The following MFHAS1 variants were observed in gnomAD, a reference collection of about 807,000 sequenced individuals.
MFHAS1 encodes the protein malignant fibrous histiocytoma-amplified sequence 1.
MFHAS1 carries 50 observed loss-of-function variants against 70.4 expected under a neutral mutation model. The observed-to-expected ratio is 0.71, with a 90% CI of 0.57 to 0.90. MFHAS1 has a LOEUF of 0.90. Among genes scored for constraint, MFHAS1 ranks in the 40% least tolerant of loss-of-function variants. MFHAS1 has a pLI of 0.00. For missense variants in MFHAS1, 1,795 were observed against 1,347.6 expected, an observed-to-expected ratio of 1.33 and a Z score of -5.20; for synonymous variants, 952 against 620.0, an observed-to-expected ratio of 1.54 and a Z score of -7.96.
intron 1 of MFHAS1, among the ~76,000 whole-genome samples, chr8:8,817,550 A>T (rs559230250): frequency 6.6e-6 from 1 of 152,296 alleles, no homozygotes; most frequent in South Asian, 2.1e-4. Flanking sequence ...TGCAGCCTCG[A>T]GTGCTGCCGC....
chr8:8,889,754 C>T (rs979839619), intron 1 of MFHAS1, among the ~76,000 whole-genome samples: 1 of 152,190 alleles, frequency 6.6e-6, no homozygotes, highest in Admixed American at 6.5e-5. Flanking sequence ...GTTCAACCAC[C>T]TGAAATTTCC....
At chr8:8,794,162 C>T (rs1351486972) in intron 2 of MFHAS1, among the ~76,000 whole-genome samples, 2 of 151,958 alleles carry the variant, frequency 1.3e-5, no homozygotes, top group Non-Finnish European at 2.9e-5. Flanking sequence ...TGCACTCCAG[C>T]CTGGGTGACA....
chr8:8,891,498 G>A lies in MFHAS1; in HGVS notation c.1561C>T (p.His521Tyr), dbSNP rs1317579645. 3.7e-6 allele frequency: 6 copies of A among 1,613,092 alleles called. No homozygotes were observed. The highest frequency in any genetic ancestry group is 2.5e-6 in the Non-Finnish European group (3 of 1,180,024). ...HFPTTVGSFL[H>Y]RVGARVPHAV... ...TGGGGCACTCTCGCCCCGACCCGATGCAAGAAGGAGCCCACGGTGGTAGGA... is the reference window on the plus strand; with the variant it reads ...TGGGGCACTCTCGCCCCGACCCGATACAAGAAGGAGCCCACGGTGGTAGGA... Residue 521 changes from histidine to tyrosine, a missense_variant, in exon 1 of 3, where the codon CAT becomes TAT. Coordinates refer to ENST00000276282, the MANE Select transcript of MFHAS1 (RefSeq NM_004225.3). The surrounding 1 kb of genome is among the most constrained non-coding windows in gnomAD (Gnocchi z 5.4).
intron 1 of MFHAS1, among the ~76,000 whole-genome samples, chr8:8,863,628 T>C (rs117634155): frequency 0.023 from 3,569 of 152,324 alleles, 87 homozygotes; most frequent in Admixed American, 0.055. Flanking sequence ...GTTTTGACCA[T>C]CTGATTCCTA....
At chr8:8,837,802 T>C (rs1448452590) in intron 1 of MFHAS1, among the ~76,000 whole-genome samples, 1 of 152,182 alleles carries the variant, frequency 6.6e-6, no homozygotes, top group Non-Finnish European at 1.5e-5. Context: ...GTGGAGAAAC[T>C]GGAACTCTTG....
intron 1 of MFHAS1, among the ~76,000 whole-genome samples, chr8:8,818,308 G>C (rs2117297075): frequency 6.6e-6 from 1 of 152,306 alleles, no homozygotes. Context: ...GACTTCTTAA[G>C]TACAAGCAAA....
At chr8:8,813,030 G>A (rs985056100) in intron 1 of MFHAS1, among the ~76,000 whole-genome samples, 1 of 152,162 alleles carries the variant, frequency 6.6e-6, no homozygotes, top group Non-Finnish European at 1.5e-5. Context: ...GCCTCCCAAA[G>A]TGCTGGGATT....
intron 1 of MFHAS1, among the ~76,000 whole-genome samples, chr8:8,834,659 C>G (rs1192841615): frequency 6.6e-6 from 1 of 152,214 alleles, no homozygotes; most frequent in African/African-American, 2.4e-5. Flanking sequence ...TGTGGGTCCA[C>G]TCTATGATGT....
chr8:8,834,566 A>G (rs531963157), intron 1 of MFHAS1, among the ~76,000 whole-genome samples: 1 of 152,338 alleles, frequency 6.6e-6, no homozygotes, highest in Middle Eastern at 3.4e-3. Context: ...GATTACAGTA[A>G]CATGCTGCAC....
intron 2 of MFHAS1, among the ~76,000 whole-genome samples, chr8:8,789,832 C>G (rs1006444141): frequency 2.0e-5 from 3 of 152,146 alleles, no homozygotes; most frequent in Non-Finnish European, 4.4e-5. Flanking sequence ...CTAATCACCC[C>G]TGAGCCAGGT....
At chr8:8,799,205 G>T (rs11992051) in intron 1 of MFHAS1, among the ~76,000 whole-genome samples, 22,124 of 152,120 alleles carry the variant, frequency 0.15, 2,592 homozygotes, top group African/African-American at 0.32. Context: ...CCTATAAGTA[G>T]ATACCTATGA....
chr8:8,832,821 G>C (rs898378258), intron 1 of MFHAS1, among the ~76,000 whole-genome samples: 1 of 151,720 alleles, frequency 6.6e-6, no homozygotes, highest in African/African-American at 2.4e-5. Flanking sequence ...TTTTTGTCGA[G>C]GCGAGGTCTC....
intron 1 of MFHAS1, among the ~76,000 whole-genome samples, chr8:8,849,211 G>A (rs1270350729): frequency 6.6e-6 from 1 of 151,584 alleles, no homozygotes; most frequent in Admixed American, 6.6e-5. Flanking sequence ...CTCCCGAGTA[G>A]CTGGGACTAC....
chr8:8,853,987 A>G (rs1007369962), intron 1 of MFHAS1, among the ~76,000 whole-genome samples: 1 of 152,092 alleles, frequency 6.6e-6, no homozygotes, highest in Non-Finnish European at 1.5e-5. Flanking sequence ...ACACCAACCA[A>G]CTCCATGAAC....
At position 8,890,758 on chromosome 8, in the gene MFHAS1, G is replaced by C; in HGVS notation, c.2301C>G (p.Ser767=). ...SGEGKAEGES[S]PPMARSTPSQ... ...TGGGGGTGGACCGCGCCATGGGCGGGGAGCTTTCCCCCTCCGCCTTGCCCT... is the reference window on the plus strand; with the variant it reads ...TGGGGGTGGACCGCGCCATGGGCGGCGAGCTTTCCCCCTCCGCCTTGCCCT... The change falls in exon 1 of 3, where the codon TCC becomes TCG. Residue 767 remains serine (S), a synonymous_variant. Coordinates refer to ENST00000276282, the MANE Select transcript of MFHAS1 (RefSeq NM_004225.3). 1 of 1,613,900 alleles carries C rather than the reference G, an allele frequency of 6.2e-7. No homozygotes were observed. Among genetic ancestry groups the C allele is most frequent in the Non-Finnish European group, 8.5e-7 (1 of 1,179,896 alleles).
chr8:8,822,970 TAAC>T (rs1008826977), intron 1 of MFHAS1, among the ~76,000 whole-genome samples: 1 of 151,690 alleles, frequency 6.6e-6, no homozygotes, highest in Non-Finnish European at 1.5e-5. Context: ...GAAGGGAGGG[TAAC>T]AGAGCCAGGC....
chr8:8,837,291 A>T (rs1049533579), intron 1 of MFHAS1, among the ~76,000 whole-genome samples: 1 of 152,200 alleles, frequency 6.6e-6, no homozygotes, highest in African/African-American at 2.4e-5. Context: ...TTTAAAAAGC[A>T]ATGCAGCAAA....
chr8:8,847,761 A>T (rs1253472307), intron 1 of MFHAS1, among the ~76,000 whole-genome samples: 1 of 152,208 alleles, frequency 6.6e-6, no homozygotes, highest in African/African-American at 2.4e-5. Context: ...ATCAACAGTG[A>T]TAGGAGAGTT....
intron 1 of MFHAS1, among the ~76,000 whole-genome samples, chr8:8,866,035 A>C (rs1225141498): frequency 1.3e-5 from 2 of 152,186 alleles, no homozygotes; most frequent in Non-Finnish European, 2.9e-5. Flanking sequence ...AGAAGCTGAA[A>C]TCCTGGTTTC....
Sources: allele counts gnomAD v4.1 joint callset (sites outside exome capture counted in the v4.1 genomes callset), GRCh38; gene constraint gnomAD v4.1.1; non-coding constraint Gnocchi (gnomAD v3.1); transcripts MANE v1.5; gene names NCBI Gene and HGNC (gene_info 2026-07-23, HGNC 2026-07-21).